Variants in NEGR1 observed in about 807,000 individuals in gnomAD.
The protein encoded by NEGR1 is IgLON family member 4.
Under a neutral mutation model 40.9 loss-of-function variants are expected in NEGR1, and 10 were observed. The observed-to-expected ratio is 0.24, with a 90% CI of 0.15 to 0.42. The LOEUF is 0.42. Among genes scored for constraint, NEGR1 ranks in the 10% least tolerant of loss-of-function variants. NEGR1 has a pLI of 1.00. For missense variants in NEGR1, 352 were observed against 438.9 expected (o/e 0.80, Z 1.77); for synonymous variants, 185 against 166.8 (o/e 1.11, Z -0.84).
intron 2 of NEGR1, among the ~76,000 whole-genome samples, chr1:71,804,408 C>T (rs189542528): frequency 6.6e-6 from 1 of 151,460 alleles, no homozygotes; most frequent in African/African-American, 2.4e-5. Flanking sequence ...GTACAGACTG[C>T]ATACGTAGAC....
rs1646376661 is a variant in NEGR1 at position 71,984,246 on chromosome 1, C to T, written c.177-48935G>A. Among the ~76,000 whole-genome samples the T allele has an allele frequency of 1.6e-5, 2 of 128,172 alleles. 1 individual carries two copies. Among genetic ancestry groups the T allele is most frequent in the South Asian group, 6.2e-4 (2 of 3,250 alleles). 84.1% of individuals were successfully genotyped at this position (128,172 alleles called of 152,430 possible). ...CCTATTGTGTACAATTACTTCAGGT[C>T]CTACTGCTCAACAGAATATTTATTC... On this transcript the variant is annotated intron_variant, in intron 1 of 6. Coordinates refer to ENST00000357731, the MANE Select transcript of NEGR1 (RefSeq NM_173808.3).
chr1:71,513,877 C>T (rs1261552632), intron 6 of NEGR1, among the ~76,000 whole-genome samples: 5 of 147,966 alleles, frequency 3.4e-5, no homozygotes, highest in East Asian at 2.0e-4. Context: ...GCACCGTGCG[C>T]GAGCCGAAGC....
intron 6 of NEGR1, among the ~76,000 whole-genome samples, chr1:71,537,378 T>C (rs982045510): frequency 6.6e-6 from 1 of 151,684 alleles, no homozygotes; most frequent in Admixed American, 6.6e-5. Context: ...AATGGGGACA[T>C]TCCTATGCAA....
At chr1:72,226,355 G>A (rs1009959269) in intron 1 of NEGR1, among the ~76,000 whole-genome samples, 4 of 151,876 alleles carry the variant, frequency 2.6e-5, no homozygotes, top group African/African-American at 7.2e-5. Flanking sequence ...CAAAAGTTAC[G>A]TTTTACAAAT....
intron 5 of NEGR1, among the ~76,000 whole-genome samples, chr1:71,603,271 T>C (rs945729474): frequency 1.3e-5 from 2 of 152,208 alleles, no homozygotes; most frequent in Admixed American, 6.5e-5. Flanking sequence ...AATCAAAACA[T>C]ATAACTGCCT....
At chr1:71,876,013 T>A (rs1236327877) in intron 2 of NEGR1, among the ~76,000 whole-genome samples, 1 of 152,130 alleles carries the variant, frequency 6.6e-6, no homozygotes, top group Non-Finnish European at 1.5e-5. Flanking sequence ...TAATCTCTCC[T>A]CCACTCAGCT....
At chr1:72,250,502 C>T (rs961561289) in intron 1 of NEGR1, among the ~76,000 whole-genome samples, 1 of 152,028 alleles carries the variant, frequency 6.6e-6, no homozygotes. Context: ...ATAGTTATTG[C>T]CTTCAAATAG....
chr1:72,108,757 T>G (rs1171997319), intron 1 of NEGR1, among the ~76,000 whole-genome samples: 1 of 151,630 alleles, frequency 6.6e-6, no homozygotes, highest in Non-Finnish European at 1.5e-5. Context: ...GCCCCAGAAC[T>G]GGATGCAAGA....
At chr1:72,093,894 C>A (rs1648595179) in intron 1 of NEGR1, among the ~76,000 whole-genome samples, 1 of 152,028 alleles carries the variant, frequency 6.6e-6, no homozygotes, top group Non-Finnish European at 1.5e-5. Context: ...CGTCTAGCTT[C>A]AAAACAGATA....
chr1:71,746,089 T>C (rs1440966886), intron 3 of NEGR1, among the ~76,000 whole-genome samples: 3 of 152,206 alleles, frequency 2.0e-5, no homozygotes, highest in Non-Finnish European at 4.4e-5. Context: ...ATGGATAGTT[T>C]TCCCTTATCT....
At chr1:71,717,201 T>C (rs940668208) in intron 3 of NEGR1, among the ~76,000 whole-genome samples, 4 of 152,206 alleles carry the variant, frequency 2.6e-5, no homozygotes. Flanking sequence ...AATATATTTG[T>C]CTACATATGC....
chr1:71,752,074 T>G (rs1217120134), intron 3 of NEGR1, among the ~76,000 whole-genome samples: 2 of 152,192 alleles, frequency 1.3e-5, no homozygotes, highest in African/African-American at 2.4e-5. Context: ...TACAATACGC[T>G]GGAGTAGTAA....
At chr1:71,673,694 A>AT (rs1382818008) in intron 4 of NEGR1, among the ~76,000 whole-genome samples, 1 of 152,138 alleles carries the variant, frequency 6.6e-6, no homozygotes, top group Non-Finnish European at 1.5e-5. Context: ...TAGGACACTA[A>AT]TGGGCATGTT....
At chr1:71,584,794 T>TA (rs1267710816) in intron 6 of NEGR1, among the ~76,000 whole-genome samples, 2 of 152,160 alleles carry the variant, frequency 1.3e-5, no homozygotes, top group African/African-American at 4.8e-5. Context: ...AAGACTCTGT[T>TA]AATCTGTTTT....
At chr1:72,200,433 C>T (rs1653162820) in intron 1 of NEGR1, among the ~76,000 whole-genome samples, 1 of 151,936 alleles carries the variant, frequency 6.6e-6, no homozygotes, top group African/African-American at 2.4e-5. Flanking sequence ...CTAAAGATTG[C>T]ATGTTCTCAC....
intron 2 of NEGR1, among the ~76,000 whole-genome samples, chr1:71,826,315 TTTGA>T (rs1264881237): frequency 1.3e-5 from 2 of 151,958 alleles, no homozygotes; most frequent in Non-Finnish European, 2.9e-5. Context: ...ATGATAGAGT[TTTGA>T]TTATCACAAT....
chr1:71,995,060 A>T (rs543648901), intron 1 of NEGR1, among the ~76,000 whole-genome samples: 62 of 152,210 alleles, frequency 4.1e-4, no homozygotes, highest in African/African-American at 1.4e-3. Context: ...ATTTTCTGAA[A>T]GAACACTATT....
At chr1:71,929,864 T>C (rs1169830659) in intron 2 of NEGR1, among the ~76,000 whole-genome samples, 1 of 152,088 alleles carries the variant, frequency 6.6e-6, no homozygotes, top group Non-Finnish European at 1.5e-5. Context: ...TGTCAAGGCC[T>C]TAGTATTCAT....
At chr1:71,692,562 T>C (rs1653322761) in intron 4 of NEGR1, among the ~76,000 whole-genome samples, 1 of 151,642 alleles carries the variant, frequency 6.6e-6, no homozygotes, top group Admixed American at 6.6e-5. Flanking sequence ...ACATATTGCC[T>C]AAATTGCCCA....
Sources: gnomAD v4.1 joint callset for allele counts (sites outside exome capture counted in the v4.1 genomes callset) on GRCh38, gnomAD v4.1.1 for gene constraint, MANE v1.5 for transcripts, NCBI Gene and HGNC (gene_info 2026-07-23, HGNC 2026-07-21) for gene names.